Variants in OR1B1 observed in about 807,000 individuals in gnomAD.
OR1B1 encodes olfactory receptor 1B1.
For synonymous variants in OR1B1, 168 were observed against 156.2 expected (o/e 1.08, Z -0.57); for missense variants, 414 against 402.1 (o/e 1.03, Z -0.25).
chr9:122,636,735 C>G, the OR1B1 span, among the ~76,000 whole-genome samples: 1 of 152,104 alleles, frequency 6.6e-6, no homozygotes, highest in African/African-American at 2.4e-5. Flanking sequence ...ATTTGTTAAC[C>G]AAACAAAAAA....
chr9:122,630,075 AG>A (rs1366789171), upstream of OR1B1, among the ~76,000 whole-genome samples: 1 of 152,226 alleles, frequency 6.6e-6, no homozygotes, highest in Non-Finnish European at 1.5e-5. Context: ...GAACAAGACA[AG>A]GATGTCCACT....
At chr9:122,637,946 C>T in the OR1B1 span, among the ~76,000 whole-genome samples, 36 of 152,212 alleles carry the variant, frequency 2.4e-4, no homozygotes, top group African/African-American at 8.7e-4. Context: ...AAATATAGTG[C>T]TATAACTCTA....
chr9:122,632,860 A>C (rs1028191189), upstream of OR1B1, among the ~76,000 whole-genome samples: 2 of 152,182 alleles, frequency 1.3e-5, no homozygotes, highest in African/African-American at 4.8e-5. Context: ...CCTGCTGATA[A>C]AGGCATACCC....
upstream of OR1B1, among the ~76,000 whole-genome samples, chr9:122,633,884 A>G (rs1175279269): frequency 2.2e-5 from 3 of 139,468 alleles, no homozygotes; most frequent in Non-Finnish European, 4.6e-5. Flanking sequence ...AGCTGAGATC[A>G]CACCACTGCA....
At chr9:122,641,776 G>A in the OR1B1 span, among the ~76,000 whole-genome samples, 1 of 152,172 alleles carries the variant, frequency 6.6e-6, no homozygotes, top group Non-Finnish European at 1.5e-5. Flanking sequence ...AAGTATGTGA[G>A]ATAATGCACG....
At chr9:122,628,769 A>G in exon 1 of OR1B1, 1 of 1,614,158 alleles carries the variant, frequency 6.2e-7, no homozygotes, top group African/African-American at 1.3e-5. Flanking sequence ...GCCGTAGAGG[A>G]AACCAACCAT....
rs749875761 is a variant in OR1B1, at chr9:122,628,908, C to T, written c.628G>A (p.Gly210Ser). Reference sequence around the variant, plus strand: ...GCACAGGGGCCCAGCATAAGGAAGCCACCCTCAAAGAATATGGCCAGCTCA... The same window carrying T: ...GCACAGGGGCCCAGCATAAGGAAGCTACCCTCAAAGAATATGGCCAGCTCA... The change falls in exon 1 of 1, where the codon GGC (glycine) becomes AGC (serine). Residue 210 changes from glycine to serine, a missense_variant. Coordinates refer to ENST00000623530, the Ensembl canonical transcript of OR1B1. The T allele has an allele frequency of 1.6e-5, 26 of 1,614,000 alleles. No homozygotes were observed. The East Asian group carries it at 5.8e-4, about 36-fold the overall frequency.
At chr9:122,644,754 G>A in the OR1B1 span, among the ~76,000 whole-genome samples, 1 of 152,100 alleles carries the variant, frequency 6.6e-6, no homozygotes, top group Non-Finnish European at 1.5e-5. Flanking sequence ...TTATGAGTCT[G>A]TAAAAACCAT....
chr9:122,654,302 T>G, the OR1B1 span, among the ~76,000 whole-genome samples: 4 of 152,182 alleles, frequency 2.6e-5, no homozygotes, highest in African/African-American at 9.7e-5. Flanking sequence ...AGGTAGGTTC[T>G]TTCCTGAACC....
the OR1B1 span, among the ~76,000 whole-genome samples, chr9:122,648,480 T>TC: frequency 6.6e-6 from 1 of 152,126 alleles, no homozygotes; most frequent in African/African-American, 2.4e-5. Flanking sequence ...CTGGAAACAT[T>TC]CCCTTTGAAA....
At chr9:122,643,047 A>G in the OR1B1 span, among the ~76,000 whole-genome samples, 1 of 152,180 alleles carries the variant, frequency 6.6e-6, no homozygotes, top group Non-Finnish European at 1.5e-5. Context: ...GTGGGGCAAG[A>G]TGGCAGAATA....
chr9:122,629,368 T>A, exon 1 of OR1B1: 1 of 1,614,058 alleles, frequency 6.2e-7, no homozygotes, highest in Non-Finnish European at 8.5e-7. Flanking sequence ...GTGAGTGCAG[T>A]CTGGAGTCCC....
chr9:122,648,609 GACAA>G, the OR1B1 span, among the ~76,000 whole-genome samples: 12 of 152,102 alleles, frequency 7.9e-5, no homozygotes, highest in African/African-American at 2.7e-4. Context: ...GTCAATAACA[GACAA>G]ACAGAGAGCC....
At chr9:122,629,267 T>G (rs1830178189) in exon 1 of OR1B1, 4 of 1,613,784 alleles carry the variant, frequency 2.5e-6, no homozygotes, top group Non-Finnish European at 3.4e-6. Context: ...GGTTGGGTAA[T>G]GAGAGACCAA....
At chr9:122,630,931 C>A (rs1564219847), upstream of OR1B1, among the ~76,000 whole-genome samples, 1 of 152,150 alleles carries the variant, frequency 6.6e-6, no homozygotes, top group African/African-American at 2.4e-5. Context: ...TAGTCTCGAA[C>A]TCCTGATCTC....
exon 1 of OR1B1, chr9:122,629,388 G>A: frequency 6.2e-7 from 1 of 1,614,050 alleles, no homozygotes; most frequent in South Asian, 1.1e-5. Context: ...CAGGAGATGA[G>A]CAGCACCAGT....
At chr9:122,651,024 CA>C in the OR1B1 span, among the ~76,000 whole-genome samples, 947 of 129,966 alleles carry the variant, frequency 7.3e-3, 5 homozygotes, top group African/African-American at 0.022. Context: ...GACGCCGTCT[CA>C]AAAAAAAAAA....
At chr9:122,628,455 A>T (rs1173106102), downstream of OR1B1, 2 of 674,436 alleles carry the variant, frequency 3.0e-6, no homozygotes, top group Non-Finnish European at 5.3e-6. Context: ...CATTGACAAG[A>T]GCCAAATCTG....
upstream of OR1B1, among the ~76,000 whole-genome samples, chr9:122,632,823 A>AG (rs1044402340): frequency 1.3e-5 from 2 of 152,160 alleles, no homozygotes; most frequent in African/African-American, 4.8e-5. Context: ...GATAATATGA[A>AG]GGGGGGTTGT....
Sources: allele counts gnomAD v4.1 joint callset (sites outside exome capture counted in the v4.1 genomes callset), GRCh38; gene constraint gnomAD v4.1.1; transcripts MANE v1.5; gene names NCBI Gene and HGNC (gene_info 2026-07-23, HGNC 2026-07-21).